The following RGS6 variants were observed in gnomAD, a reference collection of about 807,000 sequenced individuals.
The protein encoded by RGS6 is regulator of G-protein signaling 6.
RGS6 carries 30 observed loss-of-function variants against 78.5 expected under a neutral mutation model. The ratio of observed to expected loss-of-function variants is 0.38; its 90% confidence interval spans 0.29 to 0.52. The LOEUF is 0.52. Ranked by LOEUF, RGS6 falls within the 20% of genes least tolerant of loss-of-function variation. The pLI is 0.85. For missense variants in RGS6, 495 were observed against 609.7 expected, an observed-to-expected ratio of 0.81 and a Z score of 1.98; for synonymous variants, 206 against 206.0, an observed-to-expected ratio of 1.00 and a Z score of 0.00.
intron 2 of RGS6, among the ~76,000 whole-genome samples, chr14:72,249,092 A>G (rs938750785): frequency 3.3e-5 from 5 of 152,248 alleles, no homozygotes; most frequent in Admixed American, 2.6e-4. Context: ...AAAGCAAACA[A>G]AAGCTTAATA....
chr14:72,565,939 GGTC>G lies in RGS6; in HGVS notation c.*3473_*3475del, dbSNP rs2097708165. On this transcript the variant is annotated 3_prime_UTR_variant, in exon 18 of 18. Transcript: ENST00000553525. The stretch of plus-strand genomic sequence containing the variant: ...GTATTGGAGGGAGGTGTTGCTGCAA[GGTC>G]CAGGAGCTGGGAAACTCTGGGCTCG... 1 of 152,098 alleles carries G rather than the reference GGTC, an allele frequency of 6.6e-6. No homozygotes were observed. Among genetic ancestry groups the G allele is most frequent in the African/African-American group, 2.4e-5 (1 of 41,398 alleles). The allele number at this position is 152,098 out of a possible 1,614,324, so 9.4% of individuals were successfully genotyped here.
intron 3 of RGS6, among the ~76,000 whole-genome samples, chr14:72,384,926 T>G (rs1425829218): frequency 6.6e-6 from 1 of 151,996 alleles, no homozygotes; most frequent in African/African-American, 2.4e-5. Context: ...AATTTTTGTA[T>G]TTTTTAGTAG....
intron 2 of RGS6, among the ~76,000 whole-genome samples, chr14:72,052,969 C>CTT (rs1268637648): frequency 4.2e-5 from 2 of 48,088 alleles, no homozygotes; most frequent in African/African-American, 1.2e-4. Context: ...TTCTTTCTTT[C>CTT]TTTCTTTCTT....
intron 2 of RGS6, among the ~76,000 whole-genome samples, chr14:72,306,481 G>A (rs2152435112): frequency 6.6e-6 from 1 of 152,290 alleles, no homozygotes; most frequent in Middle Eastern, 3.4e-3. Flanking sequence ...TCTGAGCAAA[G>A]TAAATTGAAA....
chr14:72,297,430 T>TTATTATTA (rs1491549465), intron 2 of RGS6, among the ~76,000 whole-genome samples: 1 of 114,324 alleles, frequency 8.7e-6, no homozygotes, highest in African/African-American at 4.3e-5. Context: ...ATTATTATTA[T>TTATTATTA]TTTTTTTTTA....
intron 2 of RGS6, among the ~76,000 whole-genome samples, chr14:72,024,419 T>C (rs560603139): frequency 6.6e-6 from 1 of 152,294 alleles, no homozygotes; most frequent in South Asian, 2.1e-4. Context: ...TTAAAACCAG[T>C]TCTATCCCAG....
At chr14:72,535,207 C>T (rs970536782) in intron 15 of RGS6, among the ~76,000 whole-genome samples, 1 of 152,112 alleles carries the variant, frequency 6.6e-6, no homozygotes, top group Non-Finnish European at 1.5e-5. Context: ...TTGCCAAGGC[C>T]AGAATGTATA....
the RGS6 span, among the ~76,000 whole-genome samples, chr14:72,578,255 C>T: frequency 6.6e-6 from 1 of 152,176 alleles, no homozygotes; most frequent in Non-Finnish European, 1.5e-5. Context: ...ATGTTCACAT[C>T]CTCCTCCTTC....
chr14:72,212,711 C>T (rs1477392172), intron 2 of RGS6, among the ~76,000 whole-genome samples: 1 of 152,144 alleles, frequency 6.6e-6, no homozygotes, highest in Non-Finnish European at 1.5e-5. Context: ...TCAGTAAATG[C>T]CCTCTAGGAG....
At chr14:71,886,023 G>A in the RGS6 span, among the ~76,000 whole-genome samples, 2 of 140,002 alleles carry the variant, frequency 1.4e-5, no homozygotes, top group Admixed American at 1.5e-4. Context: ...TCTCTCCCTT[G>A]CTTCCCTTCC....
intron 2 of RGS6, among the ~76,000 whole-genome samples, chr14:72,161,915 G>A (rs940172377): frequency 6.6e-6 from 1 of 152,090 alleles, no homozygotes; most frequent in Non-Finnish European, 1.5e-5. Flanking sequence ...GAAACCCACG[G>A]GAAGAGGAGT....
At chr14:72,418,445 G>A (rs890511927) in intron 3 of RGS6, among the ~76,000 whole-genome samples, 14 of 152,146 alleles carry the variant, frequency 9.2e-5, no homozygotes, top group African/African-American at 2.9e-4. Flanking sequence ...AGGATTACAG[G>A]CATGAGCCAC....
At chr14:71,954,260 C>T (rs992879161) in intron 1 of RGS6, among the ~76,000 whole-genome samples, 2 of 146,730 alleles carry the variant, frequency 1.4e-5, no homozygotes, top group East Asian at 2.0e-4. Context: ...TCTAATATTT[C>T]TTCTCCTTTC....
At chr14:72,139,479 G>A (rs1480056029) in intron 2 of RGS6, among the ~76,000 whole-genome samples, 1 of 152,154 alleles carries the variant, frequency 6.6e-6, no homozygotes, top group African/African-American at 2.4e-5. Flanking sequence ...CATATGAATC[G>A]CTATTATTTT....
chr14:72,426,487 T>G (rs555637786), intron 3 of RGS6, among the ~76,000 whole-genome samples: 2 of 152,348 alleles, frequency 1.3e-5, no homozygotes, highest in South Asian at 4.1e-4. Context: ...ATCTGATTGT[T>G]TGTGTCAAGT....
chr14:72,090,553 C>T (rs563948327), intron 2 of RGS6, among the ~76,000 whole-genome samples: 1 of 152,330 alleles, frequency 6.6e-6, no homozygotes, highest in Admixed American at 6.5e-5. Context: ...ATAAATGTAA[C>T]ACACTTGAAT....
chr14:72,583,103 A>G, the RGS6 span, among the ~76,000 whole-genome samples: 1 of 152,196 alleles, frequency 6.6e-6, no homozygotes, highest in Non-Finnish European at 1.5e-5. Context: ...CAGGATCTCC[A>G]GCATTCAGAC....
At chr14:72,229,431 G>A (rs1471263714) in intron 2 of RGS6, among the ~76,000 whole-genome samples, 1 of 152,038 alleles carries the variant, frequency 6.6e-6, no homozygotes, top group Non-Finnish European at 1.5e-5. Flanking sequence ...ACCCTCTAAA[G>A]CTAGGGCTTC....
chr14:72,105,682 T>C (rs2095618695), intron 2 of RGS6, among the ~76,000 whole-genome samples: 1 of 152,232 alleles, frequency 6.6e-6, no homozygotes, highest in Non-Finnish European at 1.5e-5. Context: ...GGCTCTCAGG[T>C]GCGCTTTGCT....
Sources: gnomAD v4.1 joint callset for allele counts (sites outside exome capture counted in the v4.1 genomes callset) on GRCh38, gnomAD v4.1.1 for gene constraint, MANE v1.5 for transcripts, NCBI Gene and HGNC (gene_info 2026-07-23, HGNC 2026-07-21) for gene names.